The following GCNT2 variants were observed in gnomAD, a reference collection of about 807,000 sequenced individuals.
The protein encoded by GCNT2 is glucosaminyl (N-acetyl) transferase 2 (I blood group).
In GCNT2, 34 loss-of-function variants were observed where a neutral mutation model predicts 34.2. The ratio of observed to expected loss-of-function variants is 1.00; its 90% CI spans 0.76 to 1.32. GCNT2 has a LOEUF of 1.32. Among genes scored for constraint, GCNT2 ranks in the 40% most tolerant of loss-of-function variants. GCNT2 has a pLI of 0.00. For missense variants in GCNT2, 584 were observed against 489.4 expected, an observed-to-expected ratio of 1.19 and a Z score of -1.82; for synonymous variants, 212 against 188.0, an observed-to-expected ratio of 1.13 and a Z score of -1.04.
chr6:10,601,954 A>C lies in GCNT2; in HGVS notation c.926-19397A>C, dbSNP rs535052734. 4.6e-3 allele frequency among the ~76,000 whole-genome samples: 681 copies of C among 148,900 alleles called. 4 individuals carry two copies. Among genetic ancestry groups the C allele is most frequent in the Admixed American group, 8.3e-3 (125 of 15,088 alleles). On this transcript the variant is annotated intron_variant, in intron 3 of 4. Coordinates refer to ENST00000495262, the MANE Select transcript of GCNT2 (RefSeq NM_145649.5). ...AGACTCCATCTCAAGAAAAAAAAAAAAAAAAACAAAAAAAACACTAAAGCC... is the reference window on the plus strand; with the variant it reads ...AGACTCCATCTCAAGAAAAAAAAAACAAAAAACAAAAAAAACACTAAAGCC...
At chr6:10,577,608 T>A (rs1288902698) in intron 3 of GCNT2, among the ~76,000 whole-genome samples, 1 of 152,178 alleles carries the variant, frequency 6.6e-6, no homozygotes, top group Non-Finnish European at 1.5e-5. Context: ...TGGCATGATC[T>A]CGGCTCCCTG....
At chr6:10,524,042 G>A (rs1761067470) in intron 1 of GCNT2, among the ~76,000 whole-genome samples, 1 of 151,732 alleles carries the variant, frequency 6.6e-6, no homozygotes, top group Non-Finnish European at 1.5e-5. Context: ...GCCACAGTTG[G>A]GAGTTGGAGG....
At chr6:10,521,553 A>G (rs955750232) in intron 1 of GCNT2, 136 bp downstream of exon 1, 6 of 152,244 alleles carry the variant, frequency 3.9e-5, no homozygotes, top group African/African-American at 1.5e-4. Flanking sequence ...GGCTGCGTGG[A>G]TGTTTTATAT....
At chr6:10,581,653 TG>T in intron 3 of GCNT2, 1 of 624,394 alleles carries the variant, frequency 1.6e-6, no homozygotes, top group South Asian at 7.0e-5. Context: ...GGCTACATCA[TG>T]TTGAAAGATT....
chr6:10,587,285 G>A (rs1002440610), intron 3 of GCNT2, among the ~76,000 whole-genome samples: 6 of 152,160 alleles, frequency 3.9e-5, no homozygotes, highest in Non-Finnish European at 2.9e-5. Context: ...TCTTTCGGAC[G>A]GATGTTAGAC....
intron 3 of GCNT2, among the ~76,000 whole-genome samples, chr6:10,589,122 GTA>G (rs1305523731): frequency 2.8e-5 from 4 of 142,976 alleles, no homozygotes; most frequent in African/African-American, 7.8e-5. Flanking sequence ...TGGTGTGTGT[GTA>G]TGTGTGGTGT....
intron 3 of GCNT2, among the ~76,000 whole-genome samples, chr6:10,545,922 A>G (rs978493754): frequency 1.3e-5 from 2 of 152,246 alleles, no homozygotes; most frequent in Non-Finnish European, 2.9e-5. Flanking sequence ...GCCTGAAAGT[A>G]GAAACCTGGA....
Position 10,586,325 on chromosome 6 carries a change from G to T in GCNT2, c.926-35026G>T, listed in dbSNP as rs78368345. On this transcript the variant is annotated intron_variant, in intron 3 of 4. Coordinates refer to ENST00000495262, the MANE Select transcript of GCNT2 (RefSeq NM_145649.5). ...ATAAGGACTTTGACACCTTTGAAAGGCTCTTTAGGGCTATCTATATGCCCC... is the reference window on the plus strand; with the variant it reads ...ATAAGGACTTTGACACCTTTGAAAGTCTCTTTAGGGCTATCTATATGCCCC... 4 of 1,613,994 alleles carry T rather than the reference G, an allele frequency of 2.5e-6. No individual in the cohort carries two copies. In the African/African-American group the frequency reaches 4.0e-5, roughly 16 times the overall value.
intron 3 of GCNT2, among the ~76,000 whole-genome samples, chr6:10,569,271 A>ACACACACACACACACACACACC (rs1561806901): frequency 4.4e-4 from 63 of 142,466 alleles, no homozygotes; most frequent in African/African-American, 1.4e-3. Context: ...ACACACACAC[A>ACACACACACACACACACACACC]CACCCCCTAG....
In GCNT2 at chr6:10,627,359, T is replaced by A. The variant is rs1394341082; in HGVS notation, c.*752T>A. The A allele has an allele frequency of 6.6e-6, 1 of 152,256 alleles. No homozygotes were observed. Among genetic ancestry groups the A allele is most frequent in the African/African-American group, 2.4e-5 (1 of 41,446 alleles). 9.4% of individuals were successfully genotyped at this position (152,256 alleles called of 1,614,324 possible). On this transcript the variant is annotated 3_prime_UTR_variant, in exon 5 of 5. Transcript: ENST00000495262. ...AAAAGTCCTTGCAAGAATGGAGATA[T>A]GCATTCAAGAGAGGTGCTATCACAT...
At chr6:10,524,681 T>C (rs1761103715) in intron 1 of GCNT2, among the ~76,000 whole-genome samples, 1 of 151,850 alleles carries the variant, frequency 6.6e-6, no homozygotes, top group African/African-American at 2.4e-5. Context: ...ATACAAAAAT[T>C]AGCCAGGCAT....
At chr6:10,620,531 C>T (rs1175799454) in intron 3 of GCNT2, among the ~76,000 whole-genome samples, 2 of 151,976 alleles carry the variant, frequency 1.3e-5, no homozygotes, top group Non-Finnish European at 2.9e-5. Flanking sequence ...CCTCAGCCTC[C>T]TAAGTAGATG....
chr6:10,610,458 C>T (rs1006978869), intron 3 of GCNT2, among the ~76,000 whole-genome samples: 15 of 152,086 alleles, frequency 9.9e-5, no homozygotes, highest in Admixed American at 8.5e-4. Flanking sequence ...CATAGGCAGG[C>T]GGCCAATGGA....
chr6:10,596,804 A>G (rs780787110), intron 3 of GCNT2, among the ~76,000 whole-genome samples: 1 of 120,306 alleles, frequency 8.3e-6, no homozygotes, highest in Non-Finnish European at 2.0e-5. Flanking sequence ...TTTTGCCTTC[A>G]GCCAAATCTG....
At chr6:10,608,119 C>T (rs1765404187) in intron 3 of GCNT2, among the ~76,000 whole-genome samples, 1 of 149,326 alleles carries the variant, frequency 6.7e-6, no homozygotes, top group Non-Finnish European at 1.5e-5. Flanking sequence ...CTCTTGTTGC[C>T]CAGGCTGGAG....
At chr6:10,581,301 G>A (rs2127407058) in intron 3 of GCNT2, among the ~76,000 whole-genome samples, 1 of 152,054 alleles carries the variant, frequency 6.6e-6, no homozygotes, top group Admixed American at 6.5e-5. Context: ...ATGGAGTTTT[G>A]CTCTTGTTGC....
At chr6:10,575,117 A>T in intron 3 of GCNT2, 1 of 471,772 alleles carries the variant, frequency 2.1e-6, no homozygotes. Context: ...CTGCAATGTC[A>T]CCTTTCTTAT....
At chr6:10,588,928 T>A (rs1764486515) in intron 3 of GCNT2, among the ~76,000 whole-genome samples, 1 of 145,300 alleles carries the variant, frequency 6.9e-6, no homozygotes, top group African/African-American at 2.6e-5. Context: ...GTGTGGTGTG[T>A]TTGTAGTGCG....
chr6:10,574,893 GT>G, intron 3 of GCNT2: 1 of 703,228 alleles, frequency 1.4e-6, no homozygotes. Context: ...TTTTCTGATC[GT>G]TTTTCTTCAA....
Sources: allele counts gnomAD v4.1 joint callset (sites outside exome capture counted in the v4.1 genomes callset), GRCh38; gene constraint gnomAD v4.1.1; transcripts MANE v1.5; gene names NCBI Gene and HGNC (gene_info 2026-07-23, HGNC 2026-07-21).